Variants in TEX14 observed in about 807,000 individuals in gnomAD.
The protein encoded by TEX14 is testis expressed 14, intercellular bridge forming factor.
Under a neutral mutation model 178.6 loss-of-function variants are expected in TEX14, and 168 were observed. The observed-to-expected ratio is 0.94, with a 90% confidence interval of 0.83 to 1.07. The LOEUF (loss-of-function observed/expected upper bound fraction) is 1.07, where lower values mean the gene tolerates loss of function less well. Ranked by LOEUF, TEX14 falls within the 50% of genes least tolerant of loss-of-function variation. TEX14 has a pLI of 0.00. For synonymous variants in TEX14, 626 were observed against 634.1 expected, an observed-to-expected ratio of 0.99 and a Z score of 0.19; for missense variants, 1,730 against 1,753.6, an observed-to-expected ratio of 0.99 and a Z score of 0.24.
At chr17:58,579,508 T>C (rs1278140016) in intron 20 of TEX14, among the ~76,000 whole-genome samples, 157 bp downstream of exon 20, 1 of 152,226 alleles carries the variant, frequency 6.6e-6, no homozygotes, top group African/African-American at 2.4e-5. Context: ...TTTGTTCTAT[T>C]GAGGAGAAAT....
chr17:58,655,788 G>A (rs1272593420), intron 1 of TEX14, among the ~76,000 whole-genome samples: 1 of 152,080 alleles, frequency 6.6e-6, no homozygotes, highest in Non-Finnish European at 1.5e-5. Flanking sequence ...TTGTAGGCAG[G>A]GGCATTGCCA....
In TEX14 at chr17:58,668,640, G is replaced by A. The variant is rs184000280; in HGVS notation, c.-1-16638C>T. Among the ~76,000 whole-genome samples, 23 of 152,320 alleles carry A rather than the reference G, an allele frequency of 1.5e-4. 1 individual carries two copies. On this transcript the variant is annotated intron_variant, in intron 1 of 31. Coordinates refer to ENST00000349033, the MANE Select transcript of TEX14 (RefSeq NM_031272.5). ...CCAAGGGAGGCTGAAATGTGCCCAA[G>A]TGGTAGAGAAGGAATTAAAATCCAT... is the stretch of plus-strand genomic sequence containing the variant.
At chr17:58,625,155 G>C (rs377008897) in intron 3 of TEX14, among the ~76,000 whole-genome samples, 1 of 149,788 alleles carries the variant, frequency 6.7e-6, no homozygotes, top group South Asian at 2.1e-4. Context: ...TTTTTGAGAC[G>C]AAGTCTCGCT....
At chr17:58,643,713 A>G (rs1185874885) in intron 2 of TEX14, among the ~76,000 whole-genome samples, 1 of 151,600 alleles carries the variant, frequency 6.6e-6, no homozygotes. Context: ...CTACTAAAAA[A>G]ACACAAAAAT....
chr17:58,656,734 AC>A (rs1320618842), intron 1 of TEX14, among the ~76,000 whole-genome samples: 2 of 146,798 alleles, frequency 1.4e-5, no homozygotes, highest in East Asian at 2.0e-4. Flanking sequence ...AGCCTAGGCA[AC>A]ACAGGGACTC....
intron 10 of TEX14, among the ~76,000 whole-genome samples, chr17:58,609,310 C>T (rs1282342967): frequency 1.3e-5 from 2 of 152,100 alleles, no homozygotes; most frequent in Admixed American, 6.5e-5. Context: ...GGGGTTTCAC[C>T]GTGTTAGCCA....
chr17:58,655,269 C>T (rs1206340570), intron 1 of TEX14, among the ~76,000 whole-genome samples: 10 of 152,106 alleles, frequency 6.6e-5, no homozygotes, highest in Middle Eastern at 3.4e-3. Context: ...CCACAACCTC[C>T]GCCTCCCGGG....
chr17:58,611,149 TG>T lies in TEX14; in HGVS notation c.1184+11del. The T allele has an allele frequency of 1.2e-6, 2 of 1,608,448 alleles. No homozygotes were observed. Among genetic ancestry groups the T allele is most frequent in the Non-Finnish European group, 8.5e-7 (1 of 1,175,216 alleles). Reference sequence around the variant, plus strand: ...AACTTCAGGAGAAAGTCCCACTCCATGTTATGCCCACCTTTCCAACATGTAC... The same window carrying T: ...AACTTCAGGAGAAAGTCCCACTCCATTTATGCCCACCTTTCCAACATGTAC... On this transcript the variant is annotated intron_variant, in intron 10 of 31. Coordinates refer to ENST00000349033, the MANE Select transcript of TEX14 (RefSeq NM_031272.5).
chr17:58,657,532 T>G (rs1428589712), intron 1 of TEX14, among the ~76,000 whole-genome samples: 5 of 142,344 alleles, frequency 3.5e-5, no homozygotes, highest in African/African-American at 5.2e-5. Context: ...TTTTTTTTTT[T>G]GAGACAGAGT....
chr17:58,561,423 G>T, intron 29 of TEX14, 97 bp downstream of exon 29: 1 of 839,248 alleles, frequency 1.2e-6, no homozygotes, highest in Non-Finnish European at 2.0e-6. Flanking sequence ...CTAAATCAAT[G>T]TAATGCCATC....
chr17:58,610,896 G>T (rs1598384555), intron 10 of TEX14, among the ~76,000 whole-genome samples: 2 of 149,284 alleles, frequency 1.3e-5, no homozygotes, highest in Admixed American at 1.3e-4. Context: ...AAAAAAAAAA[G>T]CCGCTGAAAA....
chr17:58,661,768 C>G lies in TEX14; in HGVS notation c.-1-9766G>C, dbSNP rs1341306175. ...GGGAAGGCAACGGAGTCGGTTGTGC[C>G]GGGTCTGAATCGCTGCTCCACTCCG... On this transcript the variant is annotated intron_variant, in intron 1 of 31. Coordinates refer to ENST00000349033, the MANE Select transcript of TEX14 (RefSeq NM_031272.5). 1.5e-5 allele frequency: 8 copies of G among 542,382 alleles called. No individual in the cohort carries two copies. The Admixed American group carries it at 2.1e-4, about 15-fold the overall frequency. The allele number at this position is 542,382 out of a possible 1,614,324, so 33.6% of individuals were successfully genotyped here.
chr17:58,673,810 C>G (rs745634198), intron 1 of TEX14, among the ~76,000 whole-genome samples: 20 of 152,074 alleles, frequency 1.3e-4, no homozygotes, highest in South Asian at 1.0e-3. Context: ...TTGGCTCAGG[C>G]GATCCTCCCA....
intron 6 of TEX14, 80 bp downstream of exon 6, chr17:58,617,458 G>A (rs2045898590): frequency 1.9e-6 from 2 of 1,026,974 alleles, no homozygotes; most frequent in East Asian, 2.4e-5. Flanking sequence ...GGAGGCAGGA[G>A]TTGGACAAAG....
chr17:58,613,129 G>A (rs2045785910), intron 9 of TEX14, among the ~76,000 whole-genome samples: 1 of 151,878 alleles, frequency 6.6e-6, no homozygotes, highest in African/African-American at 2.4e-5. Context: ...TTGAATCCAG[G>A]AGGTAGAGGT....
rs1598373705 is a variant in TEX14, at chr17:58,599,807, A to C, written c.1679-141T>G. On this transcript the variant is annotated intron_variant, in intron 13 of 31. Transcript: ENST00000349033. Reference sequence around the variant, plus strand: ...TTCCCACCCCCTTCCCAGTTGTGGAAGACTACTGGATACACTCACAAAGGG... The same window carrying C: ...TTCCCACCCCCTTCCCAGTTGTGGACGACTACTGGATACACTCACAAAGGG... The C allele has an allele frequency of 1.1e-5, 7 of 663,004 alleles. No individual in the cohort carries two copies. The East Asian group carries it at 1.9e-4, about 18-fold the overall frequency. 41.1% of individuals were successfully genotyped at this position (663,004 alleles called of 1,614,324 possible). A position where few individuals can be genotyped will look rare whatever the true frequency, so the allele number is the denominator to read the frequency against.
intron 2 of TEX14, among the ~76,000 whole-genome samples, chr17:58,638,851 A>ATTCTT (rs2046502007): frequency 2.1e-5 from 2 of 97,014 alleles, no homozygotes; most frequent in African/African-American, 4.1e-5. Flanking sequence ...GGAGACTATT[A>ATTCTT]TTCTTTTTTT....
chr17:58,686,078 TG>T (rs35574192), intron 1 of TEX14, among the ~76,000 whole-genome samples: 25,749 of 150,468 alleles, frequency 0.17, 2,326 homozygotes, highest in Non-Finnish European at 0.19. Context: ...AGGAGGATCA[TG>T]GTGGCTCGCA....
At chr17:58,659,316 A>C (rs565794952) in intron 1 of TEX14, 15 of 980,586 alleles carry the variant, frequency 1.5e-5, no homozygotes, top group African/African-American at 1.1e-4. Flanking sequence ...TATTTACTTA[A>C]TATTGCTAAT....
Sources: allele counts gnomAD v4.1 joint callset (sites outside exome capture counted in the v4.1 genomes callset), GRCh38; gene constraint gnomAD v4.1.1; transcripts MANE v1.5; gene names NCBI Gene and HGNC (gene_info 2026-07-23, HGNC 2026-07-21).